HYAL4: variants seen among roughly 807,000 people sequenced by gnomAD.
HYAL4 encodes the protein hyaluronidase 4.
Under a neutral mutation model 35.2 loss-of-function variants are expected in HYAL4, and 37 were observed. The ratio of observed to expected loss-of-function variants is 1.05; its 90% confidence interval spans 0.81 to 1.38. The LOEUF (loss-of-function observed/expected upper bound fraction) is 1.38. HYAL4 is among the 40% of genes most tolerant of loss of function. The pLI is 0.00. For synonymous variants in HYAL4, 198 were observed against 203.2 expected, an observed-to-expected ratio of 0.97 and a Z score of 0.22; for missense variants, 572 against 572.4, an observed-to-expected ratio of 1.00 and a Z score of 0.01.
the HYAL4 span, among the ~76,000 whole-genome samples, chr7:123,788,135 C>G: frequency 1.3e-5 from 2 of 152,124 alleles, no homozygotes; most frequent in Non-Finnish European, 2.9e-5. Flanking sequence ...CTGGGCAACA[C>G]AGTGAGACCT....
the HYAL4 span, among the ~76,000 whole-genome samples, chr7:123,821,398 A>T: frequency 1.3e-5 from 2 of 152,132 alleles, no homozygotes; most frequent in Non-Finnish European, 2.9e-5. Context: ...TTTCCCCAAT[A>T]ATTATGATTT....
chr7:123,858,401 G>A (rs932098065), intron 2 of HYAL4, among the ~76,000 whole-genome samples: 3 of 152,102 alleles, frequency 2.0e-5, no homozygotes, highest in Non-Finnish European at 4.4e-5. Flanking sequence ...GCCAAAAGGC[G>A]TTACAAACTC....
the HYAL4 span, among the ~76,000 whole-genome samples, chr7:123,797,040 T>C: frequency 6.6e-6 from 1 of 152,244 alleles, no homozygotes; most frequent in African/African-American, 2.4e-5. Context: ...TCTTTCTTGA[T>C]CACAGAAGCC....
chr7:123,801,310 AT>A, the HYAL4 span, among the ~76,000 whole-genome samples: 16 of 152,320 alleles, frequency 1.1e-4, no homozygotes, highest in East Asian at 3.1e-3. Flanking sequence ...TTTATGTAGA[AT>A]TGAGTGGGAG....
chr7:123,861,694 A>G (rs1470455497), intron 2 of HYAL4, among the ~76,000 whole-genome samples: 1 of 152,192 alleles, frequency 6.6e-6, no homozygotes, highest in Non-Finnish European at 1.5e-5. Flanking sequence ...TGAAATAGTC[A>G]TTTTCACATA....
the HYAL4 span, among the ~76,000 whole-genome samples, chr7:123,812,475 C>T: frequency 6.6e-6 from 1 of 151,836 alleles, no homozygotes; most frequent in Non-Finnish European, 1.5e-5. Flanking sequence ...CAAAATAATG[C>T]CAAAATAATT....
At chr7:123,862,676 T>C (rs1806600927) in intron 2 of HYAL4, among the ~76,000 whole-genome samples, 1 of 150,466 alleles carries the variant, frequency 6.6e-6, no homozygotes, top group African/African-American at 2.4e-5. Context: ...TAAAATATTA[T>C]GGTCTCATAA....
At chr7:123,833,477 T>A (rs1562991451) in intron 1 of HYAL4, among the ~76,000 whole-genome samples, 1 of 152,342 alleles carries the variant, frequency 6.6e-6, no homozygotes, top group East Asian at 1.9e-4. Context: ...TTCTGGATAT[T>A]AGTCCTTTGT....
the HYAL4 span, among the ~76,000 whole-genome samples, chr7:123,771,375 C>T: frequency 6.6e-6 from 1 of 152,078 alleles, no homozygotes; most frequent in African/African-American, 2.4e-5. Flanking sequence ...TATCTTAGTA[C>T]TAATGATATT....
chr7:123,832,589 T>C (rs1316013922), intron 1 of HYAL4, among the ~76,000 whole-genome samples: 9 of 134,682 alleles, frequency 6.7e-5, no homozygotes, highest in Non-Finnish European at 1.1e-4. Context: ...AAGCTCCACC[T>C]CCCGGGTTCA....
upstream of HYAL4, among the ~76,000 whole-genome samples, chr7:123,824,731 A>C (rs1805776792): frequency 6.6e-6 from 1 of 152,034 alleles, no homozygotes. Flanking sequence ...ATGCCTGGCT[A>C]CCTGTGTAAA....
chr7:123,863,735 G>A (rs1806628713), intron 2 of HYAL4, among the ~76,000 whole-genome samples: 1 of 152,148 alleles, frequency 6.6e-6, no homozygotes, highest in African/African-American at 2.4e-5. Flanking sequence ...GAGTAAACTT[G>A]TCCAGACTGG....
intron 2 of HYAL4, among the ~76,000 whole-genome samples, chr7:123,866,789 CT>C (rs1009764748): frequency 0.013 from 1,773 of 134,136 alleles, 7 homozygotes; most frequent in African/African-American, 0.032. Flanking sequence ...CTTTCTCTCT[CT>C]TTTTTTTTTT....
At chr7:123,832,187 G>T (rs1805893642) in intron 1 of HYAL4, among the ~76,000 whole-genome samples, 1 of 151,976 alleles carries the variant, frequency 6.6e-6, no homozygotes, top group Admixed American at 6.6e-5. Context: ...GTGATAATTT[G>T]TCCTCCACCC....
At chr7:123,867,672 A>G (rs1362884618) in intron 2 of HYAL4, among the ~76,000 whole-genome samples, 1 of 152,200 alleles carries the variant, frequency 6.6e-6, no homozygotes, top group African/African-American at 2.4e-5. Flanking sequence ...TACTCCAAGA[A>G]GTAATTGCTC....
At chr7:123,850,541 C>G (rs1806280475) in intron 2 of HYAL4, among the ~76,000 whole-genome samples, 1 of 152,126 alleles carries the variant, frequency 6.6e-6, no homozygotes, top group Non-Finnish European at 1.5e-5. Flanking sequence ...TGCGACTCTA[C>G]TTATAATAGA....
At chr7:123,817,509 T>TC in the HYAL4 span, among the ~76,000 whole-genome samples, 3 of 112,464 alleles carry the variant, frequency 2.7e-5, no homozygotes, top group African/African-American at 8.8e-5. Flanking sequence ...GCATTCTTCT[T>TC]CTTTTTTTTT....
chr7:123,796,944 T>C, the HYAL4 span, among the ~76,000 whole-genome samples: 1 of 151,976 alleles, frequency 6.6e-6, no homozygotes, highest in Non-Finnish European at 1.5e-5. Context: ...AGTAGGGAGG[T>C]GATAGCTAAG....
At chr7:123,770,802 A>G in the HYAL4 span, among the ~76,000 whole-genome samples, 3 of 152,188 alleles carry the variant, frequency 2.0e-5, no homozygotes, top group Admixed American at 6.5e-5. Flanking sequence ...AAGGTTTTAT[A>G]TATGACATAT....
Sources: gnomAD v4.1 joint callset for allele counts (sites outside exome capture counted in the v4.1 genomes callset) on GRCh38, gnomAD v4.1.1 for gene constraint, MANE v1.5 for transcripts, NCBI Gene and HGNC (gene_info 2026-07-23, HGNC 2026-07-21) for gene names.